Variants in RIC1 observed in about 807,000 individuals in gnomAD.
RIC1 encodes RIC1 partner of RAB6A GEF complex, also known as guanine nucleotide exchange factor subunit RIC1.
A neutral mutation model predicts 169.0 loss-of-function variants in RIC1; 88 were observed. The observed-to-expected ratio is 0.52, with a 90% CI of 0.44 to 0.62. RIC1 has a LOEUF of 0.62. Among genes scored for constraint, RIC1 ranks in the 20% least tolerant of loss-of-function variants. The pLI, the probability that RIC1 is intolerant of heterozygous loss-of-function variation, is 0.00. For missense variants in RIC1, 1,877 were observed against 1,725.5 expected, an observed-to-expected ratio of 1.09 and a Z score of -1.56; for synonymous variants, 790 against 601.5, an observed-to-expected ratio of 1.31 and a Z score of -4.59.
chr9:5,662,737 T>C (rs1310544020), intron 2 of RIC1, among the ~76,000 whole-genome samples: 1 of 152,180 alleles, frequency 6.6e-6, no homozygotes, highest in Non-Finnish European at 1.5e-5. Context: ...TTCTTCTTTA[T>C]TAATCTAGCT....
At chr9:5,735,690 T>TGG (rs1824657898) in intron 7 of RIC1, among the ~76,000 whole-genome samples, 1 of 152,252 alleles carries the variant, frequency 6.6e-6, no homozygotes, top group Admixed American at 6.5e-5. Flanking sequence ...TGATAGCTGG[T>TGG]GTCCTTAGAG....
chr9:5,720,438 G>T, intron 5 of RIC1, 114 bp downstream of exon 5: 1 of 1,226,674 alleles, frequency 8.2e-7, no homozygotes. Context: ...GGAGAGGTGG[G>T]CAGAGTATGA....
chr9:5,653,295 A>G (rs1169583774), intron 1 of RIC1, among the ~76,000 whole-genome samples: 1 of 152,000 alleles, frequency 6.6e-6, no homozygotes, highest in African/African-American at 2.4e-5. Flanking sequence ...TGATTTGTTT[A>G]TTATTTTGTT....
chr9:5,693,261 T>A (rs1324860588), intron 3 of RIC1, among the ~76,000 whole-genome samples: 1 of 151,778 alleles, frequency 6.6e-6, no homozygotes, highest in Admixed American at 6.6e-5. Context: ...ATCACAGGAG[T>A]TTTTCTAGAG....
In RIC1 at chr9:5,642,324, A is replaced by C. The variant is rs116926390; in HGVS notation, c.144+12871A>C. Reference sequence around the variant, plus strand: ...CACCCCTGTTGCCACCACCACTGAAACTAAGCTGGGTTAGACCTGAAGCCA... The same window carrying C: ...CACCCCTGTTGCCACCACCACTGAACCTAAGCTGGGTTAGACCTGAAGCCA... On this transcript the variant is annotated intron_variant, in intron 1 of 25. Transcript: ENST00000414202. 2.2e-3 allele frequency among the ~76,000 whole-genome samples: 317 copies of C among 143,922 alleles called. 2 individuals are homozygous for C. The East Asian group carries it at 0.028, about 13-fold the overall frequency. 94.4% of individuals were successfully genotyped at this position (143,922 alleles called of 152,430 possible). A position where few individuals can be genotyped will look rare whatever the true frequency, so the allele number is the denominator to read the frequency against.
intron 2 of RIC1, among the ~76,000 whole-genome samples, chr9:5,666,060 C>A (rs977202129): frequency 6.6e-6 from 1 of 152,142 alleles, no homozygotes; most frequent in African/African-American, 2.4e-5. Flanking sequence ...TGGCAGCCTA[C>A]CCCACCACTC....
In RIC1 at chr9:5,629,258, G is replaced by T; in HGVS notation, c.-52G>T. On this transcript the variant is annotated 5_prime_UTR_variant, in exon 1 of 26. Transcript: ENST00000414202. Reference sequence around the variant, plus strand: ...GTGGGAGGTGGGCGACCAGCCCGGGGCCGCTGAGTGTGACGGACGCAACTG... The same window carrying T: ...GTGGGAGGTGGGCGACCAGCCCGGGTCCGCTGAGTGTGACGGACGCAACTG... 7.1e-7 allele frequency: 1 copy of T among 1,412,840 alleles called. No homozygotes were observed. The highest frequency in any genetic ancestry group is 9.2e-7 in the Non-Finnish European group (1 of 1,081,238). The allele number at this position is 1,412,840 out of a possible 1,614,324, so 87.5% of individuals were successfully genotyped here.
intron 15 of RIC1, 138 bp downstream of exon 15, chr9:5,755,068 G>T (rs1825926541): frequency 6.3e-6 from 3 of 475,448 alleles, no homozygotes; most frequent in Admixed American, 3.9e-5. Context: ...CTTCTTTTAG[G>T]TAGTGGGATT....
intron 2 of RIC1, among the ~76,000 whole-genome samples, chr9:5,670,661 A>C (rs1183607143): frequency 6.6e-6 from 1 of 152,252 alleles, no homozygotes; most frequent in Non-Finnish European, 1.5e-5. Flanking sequence ...AGATATATCC[A>C]TTAAAACTAT....
At chr9:5,649,280 A>G (rs535316266) in intron 1 of RIC1, among the ~76,000 whole-genome samples, 60 of 152,238 alleles carry the variant, frequency 3.9e-4, no homozygotes, top group Non-Finnish European at 7.2e-4. Flanking sequence ...CTGAATGTCC[A>G]TTGGTTCTTT....
intron 4 of RIC1, among the ~76,000 whole-genome samples, chr9:5,717,274 TAGTC>T (rs1262708295): frequency 6.6e-6 from 1 of 152,256 alleles, no homozygotes; most frequent in East Asian, 1.9e-4. Context: ...GTCTAGCAGG[TAGTC>T]AGATTACTGG....
At chr9:5,769,942 C>T in intron 22 of RIC1, 145 bp from the exon 23 acceptor site, 2 of 634,620 alleles carry the variant, frequency 3.2e-6, no homozygotes, top group East Asian at 2.9e-5. Context: ...TTTGGGGTGG[C>T]TGATACAGTA....
At chr9:5,727,177 AC>A (rs1186061440) in intron 6 of RIC1, among the ~76,000 whole-genome samples, 1 of 152,180 alleles carries the variant, frequency 6.6e-6, no homozygotes, top group African/African-American at 2.4e-5. Flanking sequence ...TCTCCCCGTC[AC>A]TTTCAGGTAC....
chr9:5,683,751 C>T (rs1210825178), intron 2 of RIC1, among the ~76,000 whole-genome samples: 3 of 152,234 alleles, frequency 2.0e-5, no homozygotes, highest in Admixed American at 6.5e-5. Context: ...GAGGTGGAGA[C>T]TGCTGAGGAA....
chr9:5,705,701 T>A (rs141238979), intron 3 of RIC1, among the ~76,000 whole-genome samples: 200 of 152,346 alleles, frequency 1.3e-3, no homozygotes, highest in African/African-American at 4.7e-3. Context: ...CATTCTTGTC[T>A]CATGCATGAT....
At chr9:5,657,380 G>T (rs1044138555) in intron 2 of RIC1, among the ~76,000 whole-genome samples, 12 of 152,018 alleles carry the variant, frequency 7.9e-5, no homozygotes, top group African/African-American at 2.7e-4. Flanking sequence ...AGTAATATAT[G>T]TGGTTAATTA....
intron 15 of RIC1, among the ~76,000 whole-genome samples, chr9:5,755,232 C>T (rs1202456959): frequency 6.6e-6 from 1 of 152,036 alleles, no homozygotes; most frequent in Non-Finnish European, 1.5e-5. Context: ...AATGGCTGTC[C>T]TCAGAGATAG....
intron 2 of RIC1, among the ~76,000 whole-genome samples, chr9:5,679,109 C>T (rs1217139410): frequency 3.3e-5 from 5 of 152,206 alleles, no homozygotes; most frequent in Non-Finnish European, 7.4e-5. Flanking sequence ...GGAATCCTTT[C>T]CCCATTTCTT....
intron 7 of RIC1, among the ~76,000 whole-genome samples, chr9:5,737,944 G>A (rs1824826347): frequency 6.6e-6 from 1 of 152,058 alleles, no homozygotes; most frequent in Admixed American, 6.6e-5. Flanking sequence ...TGTTGAGTAG[G>A]CTTGAGGAAG....
Sources: gnomAD v4.1 joint callset for allele counts (sites outside exome capture counted in the v4.1 genomes callset) on GRCh38, gnomAD v4.1.1 for gene constraint, MANE v1.5 for transcripts, NCBI Gene and HGNC (gene_info 2026-07-23, HGNC 2026-07-21) for gene names.